The following CDH13 variants were observed in gnomAD, a reference collection of about 807,000 sequenced individuals.
CDH13 encodes the protein cadherin-13.
CDH13 carries 24 observed loss-of-function variants against 63.8 expected under a neutral mutation model. The ratio of observed to expected loss-of-function variants is 0.38; its 90% CI spans 0.27 to 0.53. The LOEUF (loss-of-function observed/expected upper bound fraction) is 0.53. CDH13 is among the 20% of genes least tolerant of loss of function. The pLI is 0.85. For synonymous variants in CDH13, 503 were observed against 355.3 expected (o/e 1.42, Z -4.67); for missense variants, 1,049 against 903.1 (o/e 1.16, Z -2.07).
At chr16:83,157,128 T>C (rs538725578) in intron 4 of CDH13, among the ~76,000 whole-genome samples, 1 of 152,340 alleles carries the variant, frequency 6.6e-6, no homozygotes, top group South Asian at 2.1e-4. Context: ...CCTGGTTCAG[T>C]AGATTGTCTC....
chr16:83,171,501 T>A (rs78371107), intron 4 of CDH13: 42,057 of 1,528,516 alleles, frequency 0.028, 979 homozygotes, highest in East Asian at 0.11. Context: ...AGACTGCCCA[T>A]AAATAATCTT....
chr16:83,244,927 A>G (rs925012080), intron 5 of CDH13, among the ~76,000 whole-genome samples: 4 of 152,112 alleles, frequency 2.6e-5, no homozygotes, highest in African/African-American at 9.7e-5. Flanking sequence ...TCCAGAAGGA[A>G]AAACGGTGTT....
intron 5 of CDH13, among the ~76,000 whole-genome samples, chr16:83,276,805 A>G (rs568133636): frequency 6.6e-6 from 1 of 152,296 alleles, no homozygotes; most frequent in East Asian, 1.9e-4. Context: ...TGGGAGGTGG[A>G]GCCTACAGGA....
intron 2 of CDH13, among the ~76,000 whole-genome samples, chr16:82,999,406 G>A (rs1317227933): frequency 1.3e-5 from 2 of 152,068 alleles, no homozygotes; most frequent in African/African-American, 4.8e-5. Context: ...TACCCCTTCA[G>A]TTCTCTTAAC....
At chr16:83,565,043 C>G (rs1484655803) in intron 7 of CDH13, among the ~76,000 whole-genome samples, 1 of 152,156 alleles carries the variant, frequency 6.6e-6, no homozygotes, top group East Asian at 1.9e-4. Flanking sequence ...ATCTCTTGCT[C>G]CTCAGCGCTT....
At chr16:82,790,389 C>G (rs140157495) in intron 1 of CDH13, among the ~76,000 whole-genome samples, 1 of 152,134 alleles carries the variant, frequency 6.6e-6, no homozygotes, top group East Asian at 1.9e-4. Flanking sequence ...GAGCCAAGAT[C>G]GCACCACTGC....
intron 7 of CDH13, among the ~76,000 whole-genome samples, chr16:83,578,178 G>A (rs1445884531): frequency 6.6e-6 from 1 of 152,178 alleles, no homozygotes; most frequent in East Asian, 1.9e-4. Flanking sequence ...TTGTTTAAAT[G>A]GTACCCGGGT....
At chr16:83,536,231 G>C (rs1328759335) in intron 7 of CDH13, among the ~76,000 whole-genome samples, 1 of 152,218 alleles carries the variant, frequency 6.6e-6, no homozygotes, top group Non-Finnish European at 1.5e-5. Flanking sequence ...TCTTCATAGA[G>C]CTTACAATGT....
intron 3 of CDH13, among the ~76,000 whole-genome samples, chr16:83,094,862 C>G (rs1462894476): frequency 6.6e-6 from 1 of 152,112 alleles, no homozygotes; most frequent in African/African-American, 2.4e-5. Flanking sequence ...TATATAGATA[C>G]CTACTTTTTA....
intron 6 of CDH13, among the ~76,000 whole-genome samples, chr16:83,422,989 A>T (rs950011385): frequency 3.9e-5 from 6 of 152,208 alleles, no homozygotes; most frequent in Non-Finnish European, 8.8e-5. Flanking sequence ...AAGGTAAATT[A>T]GACATGCAAG....
chr16:83,494,321 T>C (rs2074086611), intron 7 of CDH13, among the ~76,000 whole-genome samples: 1 of 152,218 alleles, frequency 6.6e-6, no homozygotes, highest in African/African-American at 2.4e-5. Flanking sequence ...TTTTTCTTTA[T>C]CAGCCAAAAA....
At chr16:82,840,540 C>G (rs900403210) in intron 1 of CDH13, among the ~76,000 whole-genome samples, 3 of 151,712 alleles carry the variant, frequency 2.0e-5, no homozygotes, top group Non-Finnish European at 4.4e-5. Context: ...AAAGAAACAG[C>G]CAGGTATGGT....
chr16:82,636,708 G>C (rs544484380), intron 1 of CDH13, among the ~76,000 whole-genome samples: 3 of 152,282 alleles, frequency 2.0e-5, no homozygotes, highest in African/African-American at 7.2e-5. Flanking sequence ...TGGTATATTG[G>C]TAAATGTTTA....
At chr16:83,088,678 G>A (rs79931857) in intron 3 of CDH13, among the ~76,000 whole-genome samples, 2,677 of 152,208 alleles carry the variant, frequency 0.018, 82 homozygotes, top group African/African-American at 0.061. Context: ...AAAAACATGG[G>A]ATCTTTTACA....
At chr16:83,133,955 A>C (rs1391381127) in intron 4 of CDH13, among the ~76,000 whole-genome samples, 1 of 152,236 alleles carries the variant, frequency 6.6e-6, no homozygotes. Flanking sequence ...TAGCGACTCA[A>C]ATATTCTCTG....
intron 1 of CDH13, among the ~76,000 whole-genome samples, chr16:82,654,271 A>T (rs1423709070): frequency 6.6e-6 from 1 of 152,134 alleles, no homozygotes; most frequent in African/African-American, 2.4e-5. Context: ...TGACACTTAC[A>T]TGGTGGTCTT....
At chr16:82,955,214 G>C (rs990608779) in intron 2 of CDH13, among the ~76,000 whole-genome samples, 1 of 152,138 alleles carries the variant, frequency 6.6e-6, no homozygotes, top group Admixed American at 6.5e-5. Flanking sequence ...CAGTCTTAGA[G>C]TTTATTGATG....
chr16:82,977,400 C>T (rs1827460340), intron 2 of CDH13, among the ~76,000 whole-genome samples: 1 of 152,200 alleles, frequency 6.6e-6, no homozygotes, highest in African/African-American at 2.4e-5. Context: ...ACCCAAATCT[C>T]ATCTTGAATT....
In CDH13 at chr16:83,217,459, A is replaced by G; in HGVS notation, c.598A>G (p.Thr200Ala). The change falls in exon 5 of 14, where the codon ACA becomes GCA. Residue 200 changes from threonine (T) to alanine (A), a missense_variant. Transcript: ENST00000567109. ...INENTGSVSV[T>A]RTLDREVIAV... The stretch of plus-strand genomic sequence containing the variant: ...TGAGAACACAGGGAGCGTCTCCGTG[A>G]CACGGACCTTGGACAGAGAAGTAAT... The G allele has an allele frequency of 6.2e-7, 1 of 1,613,920 alleles. No individual in the cohort carries two copies. The highest frequency in any genetic ancestry group is 8.5e-7 in the Non-Finnish European group (1 of 1,179,810).
Sources: gnomAD v4.1 joint callset for allele counts (sites outside exome capture counted in the v4.1 genomes callset) on GRCh38, gnomAD v4.1.1 for gene constraint, MANE v1.5 for transcripts, NCBI Gene and HGNC (gene_info 2026-07-23, HGNC 2026-07-21) for gene names.